Variants in DAAM1 observed in about 807,000 individuals in gnomAD.
The protein encoded by DAAM1 is disheveled-associated activator of morphogenesis 1.
DAAM1 carries 52 observed loss-of-function variants against 130.0 expected under a neutral mutation model. That is an observed-to-expected ratio of 0.40 (90% CI 0.32 to 0.50). The LOEUF (loss-of-function observed/expected upper bound fraction) is 0.50. Ranked by LOEUF, DAAM1 falls within the 20% of genes least tolerant of loss-of-function variation. DAAM1 has a pLI of 0.61. For missense variants in DAAM1, 1,134 were observed against 1,303.8 expected, an observed-to-expected ratio of 0.87 and a Z score of 2.01; for synonymous variants, 452 against 444.5, an observed-to-expected ratio of 1.02 and a Z score of -0.21.
At chr14:59,347,462 C>A in intron 16 of DAAM1, 77 bp from the exon 17 acceptor site, 1 of 1,342,188 alleles carries the variant, frequency 7.5e-7, no homozygotes, top group Non-Finnish European at 1.0e-6. Flanking sequence ...AAATCAGCAG[C>A]TGGGGTAGCA....
In DAAM1 at chr14:59,360,833, T is replaced by C. The variant is rs770015301; in HGVS notation, c.2665T>C (p.Leu889=). Residue 889 remains leucine (L), a synonymous_variant, in exon 22 of 25, where the codon TTG becomes CTG. Transcript: ENST00000360909. ...TGAGCTGGACAAAGAAATAAGTACCTTGAGAAGTGGCTTGAAAGCAGTAGA... is the reference window on the plus strand; with the variant it reads ...TGAGCTGGACAAAGAAATAAGTACCCTGAGAAGTGGCTTGAAAGCAGTAGA... ...MTELDKEIST[L]RSGLKAVETE... 4 of 1,613,890 alleles carry C rather than the reference T, an allele frequency of 2.5e-6. No homozygotes were observed. The highest frequency in any genetic ancestry group is 2.7e-5 in the African/African-American group (2 of 74,916).
At chr14:59,291,128 GT>G (rs545699176) in intron 2 of DAAM1, 88 bp from the exon 3 acceptor site, 11 of 1,071,212 alleles carry the variant, frequency 1.0e-5, no homozygotes, top group East Asian at 2.8e-5. Context: ...TTGTGTTTTT[GT>G]TTTTTTTCTT....
At chr14:59,307,787 G>A (rs1404659199) in intron 3 of DAAM1, among the ~76,000 whole-genome samples, 1 of 152,130 alleles carries the variant, frequency 6.6e-6, no homozygotes, top group South Asian at 2.1e-4. Flanking sequence ...TCATCTGGAG[G>A]TGTAAAAAAC....
intron 1 of DAAM1, among the ~76,000 whole-genome samples, chr14:59,239,665 C>G (rs964235770): frequency 2.0e-5 from 3 of 152,116 alleles, no homozygotes; most frequent in Admixed American, 6.5e-5. Context: ...ATATTCCTTC[C>G]CTACCACACA....
chr14:59,329,409 G>A (rs1428455420), intron 12 of DAAM1, among the ~76,000 whole-genome samples: 1 of 152,206 alleles, frequency 6.6e-6, no homozygotes. Context: ...GAAGTGGATT[G>A]CTGACAAAAT....
intron 1 of DAAM1, among the ~76,000 whole-genome samples, chr14:59,259,003 A>T (rs1391537249): frequency 1.3e-5 from 2 of 152,068 alleles, no homozygotes; most frequent in Admixed American, 6.5e-5. Context: ...AACTGTTGGG[A>T]TTTTCTTTTT....
At chr14:59,231,532 G>A (rs1354191483) in intron 1 of DAAM1, among the ~76,000 whole-genome samples, 1 of 152,112 alleles carries the variant, frequency 6.6e-6, no homozygotes, top group Non-Finnish European at 1.5e-5. Flanking sequence ...ATTTTTTAAG[G>A]GAAGTATTTT....
intron 2 of DAAM1, among the ~76,000 whole-genome samples, chr14:59,269,145 G>A (rs1882595836): frequency 6.6e-6 from 1 of 152,220 alleles, no homozygotes; most frequent in Non-Finnish European, 1.5e-5. Context: ...ATGTTGTGGA[G>A]CTGAAGGTCT....
chr14:59,217,979 A>T (rs1308598042), intron 1 of DAAM1, among the ~76,000 whole-genome samples: 1 of 151,884 alleles, frequency 6.6e-6, no homozygotes, highest in Non-Finnish European at 1.5e-5. Context: ...TCAAAAAAAA[A>T]AAAAAGGATC....
intron 1 of DAAM1, among the ~76,000 whole-genome samples, chr14:59,252,563 A>G (rs951238088): frequency 2.0e-5 from 3 of 152,216 alleles, no homozygotes; most frequent in African/African-American, 7.2e-5. Context: ...TGATTTAGTG[A>G]TGACAACTGC....
intron 2 of DAAM1, among the ~76,000 whole-genome samples, chr14:59,279,606 T>A (rs1883122500): frequency 6.6e-6 from 1 of 152,166 alleles, no homozygotes; most frequent in Non-Finnish European, 1.5e-5. Context: ...GGACTGGAGA[T>A]TCAAACATAG....
chr14:59,262,604 A>G (rs897757778), intron 1 of DAAM1, among the ~76,000 whole-genome samples: 3 of 152,030 alleles, frequency 2.0e-5, no homozygotes, highest in African/African-American at 7.2e-5. Context: ...TCCCATATCT[A>G]CATATACAAA....
chr14:59,277,332 C>A (rs1411211805), intron 2 of DAAM1, among the ~76,000 whole-genome samples: 5 of 152,086 alleles, frequency 3.3e-5, no homozygotes, highest in Non-Finnish European at 7.4e-5. Context: ...GAACTGCCTG[C>A]TTATTCTACA....
chr14:59,229,341 G>A (rs752327072), intron 1 of DAAM1, among the ~76,000 whole-genome samples: 6 of 152,154 alleles, frequency 3.9e-5, no homozygotes, highest in African/African-American at 9.7e-5. Context: ...TAACTTCATC[G>A]TGCAAGGATT....
intron 1 of DAAM1, among the ~76,000 whole-genome samples, chr14:59,220,889 T>A (rs763248536): frequency 2.0e-5 from 3 of 152,242 alleles, no homozygotes; most frequent in Middle Eastern, 3.2e-3. Flanking sequence ...CCCACGCACA[T>A]TGGTGAGAGA....
intron 2 of DAAM1, among the ~76,000 whole-genome samples, chr14:59,288,866 C>T (rs952814796): frequency 5.6e-5 from 7 of 125,210 alleles, no homozygotes; most frequent in African/African-American, 1.9e-4. Context: ...AGAGAGCGCG[C>T]GAAGGGGGCA....
intron 2 of DAAM1, among the ~76,000 whole-genome samples, chr14:59,286,067 T>G (rs1883438292): frequency 6.6e-6 from 1 of 151,840 alleles, no homozygotes; most frequent in Non-Finnish European, 1.5e-5. Context: ...ATCATACCAA[T>G]CACACTCTTT....
intron 12 of DAAM1, among the ~76,000 whole-genome samples, chr14:59,327,264 T>A (rs1356445428): frequency 6.6e-6 from 1 of 152,068 alleles, no homozygotes; most frequent in East Asian, 1.9e-4. Flanking sequence ...TTAAATCAAA[T>A]TTTCTTAACT....
chr14:59,280,569 A>C (rs967971165), intron 2 of DAAM1, among the ~76,000 whole-genome samples: 1 of 81,940 alleles, frequency 1.2e-5, no homozygotes, highest in Non-Finnish European at 2.2e-5. Flanking sequence ...CATTTCTGCT[A>C]TGTCAGACTG....
Sources: gnomAD v4.1 joint callset for allele counts (sites outside exome capture counted in the v4.1 genomes callset) on GRCh38, gnomAD v4.1.1 for gene constraint, MANE v1.5 for transcripts, NCBI Gene and HGNC (gene_info 2026-07-23, HGNC 2026-07-21) for gene names.